Variants in KLHL35 observed in about 807,000 individuals in gnomAD.
KLHL35 encodes the protein kelch like family member 35.
A neutral mutation model predicts 44.0 loss-of-function variants in KLHL35; 50 were observed. The ratio of observed to expected loss-of-function variants is 1.14; its 90% CI spans 0.91 to 1.44. The LOEUF is 1.44. Among genes scored for constraint, KLHL35 ranks in the 40% most tolerant of loss-of-function variants. The pLI is 0.00. For missense variants in KLHL35, 1,049 were observed against 887.8 expected, an observed-to-expected ratio of 1.18 and a Z score of -2.31; for synonymous variants, 470 against 410.4, an observed-to-expected ratio of 1.15 and a Z score of -1.76.
At chr11:75,423,631 G>A in intron 6 of KLHL35, 61 bp downstream of exon 6, 1 of 1,405,158 alleles carries the variant, frequency 7.1e-7, no homozygotes, top group East Asian at 2.3e-5. Context: ...AGATTCACAA[G>A]CTCCAAGATC....
intron 3 of KLHL35, chr11:75,426,893 CT>C (rs1339335526): frequency 5.5e-6 from 2 of 363,056 alleles, no homozygotes; most frequent in East Asian, 1.0e-4. Flanking sequence ...CGCCGGGCAC[CT>C]TGTGGTGGTG....
intron 1 of KLHL35, among the ~76,000 whole-genome samples, chr11:75,431,165 A>G (rs554197791): frequency 3.9e-4 from 60 of 152,226 alleles, no homozygotes; most frequent in African/African-American, 1.3e-3. Context: ...CAGTGTGTGC[A>G]TGTGCAGGGG....
intron 2 of KLHL35, 74 bp from the exon 3 acceptor site, chr11:75,428,700 T>C: frequency 7.6e-7 from 1 of 1,309,362 alleles, no homozygotes; most frequent in Non-Finnish European, 1.0e-6. Context: ...TCGACCACAC[T>C]GCACGGTCCC....
chr11:75,422,997 C>T (rs962242896), intron 6 of KLHL35: 25 of 542,422 alleles, frequency 4.6e-5, no homozygotes, highest in Non-Finnish European at 6.6e-5. Context: ...GTTTCCTCAT[C>T]GGCAAAGGGA....
chr11:75,430,040 T>C lies in KLHL35; in HGVS notation c.590A>G (p.Asp197Gly), dbSNP rs1377225732. ...RHADFLELAP[D>G]EVVALLADPA... The stretch of plus-strand genomic sequence containing the variant: ...GTCCGCCAGCAGCGCCACCACCTCG[T>C]CAGGCGCCAGCTCCAGGAAGTCGGC... The change falls in exon 2 of 7, where the codon GAC becomes GGC. Residue 197 changes from aspartate (D) to glycine (G), a missense_variant. Physicochemically the swap from Asp to Gly is moderately conservative, Grantham distance 94. Coordinates refer to ENST00000539798, the MANE Select transcript of KLHL35 (RefSeq NM_001039548.3). The C allele has an allele frequency of 2.1e-6, 3 of 1,415,390 alleles. No individual in the cohort carries two copies. The highest frequency in any genetic ancestry group is 2.8e-6 in the Non-Finnish European group (3 of 1,086,590). The allele number at this position is 1,415,390 out of a possible 1,614,324, so 87.7% of individuals were successfully genotyped here. A position where few individuals can be genotyped will look rare whatever the true frequency, so the allele number is the denominator to read the frequency against.
At position 75,430,487 on chromosome 11, in the gene KLHL35, C is replaced by T. The variant is rs950870056; in HGVS notation, c.143G>A (p.Gly48Asp). Residue 48 changes from glycine (G) to aspartate (D), a missense_variant, in exon 2 of 7, where the codon GGC (glycine) becomes GAC (aspartate). Physicochemically the swap from Gly to Asp is moderately conservative, Grantham distance 94. Coordinates refer to ENST00000539798, the MANE Select transcript of KLHL35 (RefSeq NM_001039548.3). ...GCGGTGGCACGGAAAGTCGCGCCCGCCGGCGCGCAGCACCACGTCGGTGAG... is the reference window on the plus strand; with the variant it reads ...GCGGTGGCACGGAAAGTCGCGCCCGTCGGCGCGCAGCACCACGTCGGTGAG... ...GTLTDVVLRA[G>D]GRDFPCHRAA... The T allele has an allele frequency of 2.1e-6, 3 of 1,406,980 alleles. No homozygotes were observed. Among genetic ancestry groups the T allele is most frequent in the East Asian group, 3.1e-5 (1 of 32,412 alleles). 87.2% of individuals were successfully genotyped at this position (1,406,980 alleles called of 1,614,324 possible). A position where few individuals can be genotyped will look rare whatever the true frequency, so the allele number is the denominator to read the frequency against.
Position 75,429,974 on chromosome 11 carries a change from G to A in KLHL35, c.656C>T (p.Ala219Val). ...GVAREEAVFE[A>V]AMRWVRHDAP... ...GTCGTGGCGCACCCAGCGCATGGCC[G>A]CTTCAAACACGGCCTCCTCGCGCGC... The change falls in exon 2 of 7, where the codon GCG (alanine) becomes GTG (valine). Residue 219 changes from alanine (A) to valine (V), a missense_variant. Transcript: ENST00000539798. 7.0e-7 allele frequency: 1 copy of A among 1,431,524 alleles called. No homozygotes were observed. The highest frequency in any genetic ancestry group is 9.1e-7 in the Non-Finnish European group (1 of 1,099,582). The allele number at this position is 1,431,524 out of a possible 1,614,324, so 88.7% of individuals were successfully genotyped here.
At chr11:75,426,661 T>C in intron 3 of KLHL35, 23 bp from the exon 4 acceptor site, 1 of 1,510,258 alleles carries the variant, frequency 6.6e-7, no homozygotes, top group Non-Finnish European at 9.0e-7. Flanking sequence ...AAGCAGCTGT[T>C]GCCCATCGGC....
At chr11:75,428,301 C>A in intron 3 of KLHL35, 141 bp downstream of exon 3, 1 of 925,264 alleles carries the variant, frequency 1.1e-6, no homozygotes, top group Non-Finnish European at 1.6e-6. Context: ...CGTAGTTAGC[C>A]CTGCTCACTT....
Position 75,425,484 on chromosome 11 carries a change from G to T in KLHL35, c.1283C>A (p.Pro428Gln). Residue 428 changes from proline to glutamine, a missense_variant, in exon 5 of 7, where the codon CCG becomes CAG. By Grantham distance (76) the Pro-to-Gln change is moderately conservative (BLOSUM62 -1). Coordinates refer to ENST00000539798, the MANE Select transcript of KLHL35 (RefSeq NM_001039548.3). ...CACCGCCGCCGAGCTCACGGCCTCC[G>T]GGAGGGGCGCGGCGGCCGCCCAGGT... The part of the protein sequence containing the change: ...SNTWAAAAPL[P>Q]EAVSSAAVAS... 1 of 1,571,380 alleles carries T rather than the reference G, an allele frequency of 6.4e-7. No individual in the cohort carries two copies. The highest frequency in any genetic ancestry group is 8.6e-7 in the Non-Finnish European group (1 of 1,164,646).
At position 75,428,500 on chromosome 11, in the gene KLHL35, G is replaced by C. The variant is rs747040663; in HGVS notation, c.1008C>G (p.Pro336=). ...SQRWTPLPSL[P]GYTRSEFAAC... is the part of the protein sequence containing the mutation. ...CGGCGAATTCTGAGCGAGTGTAGCC[G>C]GGCAGGCTGGGCAGTGGGGTCCACC... Residue 336 remains proline (P), a synonymous_variant, in exon 3 of 7, where the codon CCC becomes CCG. Coordinates refer to ENST00000539798, the MANE Select transcript of KLHL35 (RefSeq NM_001039548.3). 1.2e-6 allele frequency: 2 copies of C among 1,612,432 alleles called. No homozygotes were observed. Among genetic ancestry groups the C allele is most frequent in the East Asian group, 2.2e-5 (1 of 44,888 alleles).
At chr11:75,430,945 C>T (rs560872390) in intron 1 of KLHL35, among the ~76,000 whole-genome samples, 1 of 152,316 alleles carries the variant, frequency 6.6e-6, no homozygotes, top group East Asian at 1.9e-4. Flanking sequence ...AATAAAGGAA[C>T]TATTTTCAAC....
intron 6 of KLHL35, chr11:75,423,256 AGGTAGG>A (rs1483704715): frequency 5.2e-6 from 1 of 194,006 alleles, no homozygotes; most frequent in Non-Finnish European, 1.1e-5. Flanking sequence ...ATGGAGAAGA[AGGTAGG>A]GGAGGCAGGG....
In KLHL35 at chr11:75,430,610, G is replaced by A. The variant is rs1291458662; in HGVS notation, c.20C>T (p.Pro7Leu). 2.1e-6 allele frequency: 3 copies of A among 1,399,658 alleles called. No homozygotes were observed. Among genetic ancestry groups the A allele is most frequent in the Admixed American group, 3.2e-5 (1 of 30,840 alleles). The allele number at this position is 1,399,658 out of a possible 1,614,324, so 86.7% of individuals were successfully genotyped here. MRQGHA[P>L]EESEPGCEAP... ...TTCGCAGCCCGGCTCCGACTCCTCC[G>A]GCGCATGGCCTTGCCGCATCCTGCC... The change falls in exon 2 of 7, where the codon CCG becomes CTG. Residue 7 changes from proline to leucine, a missense_variant. By Grantham distance (98) the Pro-to-Leu change is moderately conservative. Transcript: ENST00000539798.
intron 6 of KLHL35, 69 bp from the exon 7 acceptor site, chr11:75,422,837 G>A: frequency 6.9e-7 from 1 of 1,441,036 alleles, no homozygotes; most frequent in Non-Finnish European, 9.6e-7. Flanking sequence ...GCCTGGCCAG[G>A]CCAGATAATA....
At chr11:75,431,842 T>C (rs1186311212) in intron 1 of KLHL35, among the ~76,000 whole-genome samples, 1 of 152,216 alleles carries the variant, frequency 6.6e-6, no homozygotes, top group Non-Finnish European at 1.5e-5. Flanking sequence ...TTTCCCTATA[T>C]TGCTTTTACT....
intron 2 of KLHL35, 77 bp downstream of exon 2, chr11:75,429,672 G>C (rs1948516820): frequency 2.7e-5 from 37 of 1,370,528 alleles, no homozygotes; most frequent in Non-Finnish European, 3.4e-5. Context: ...AGTACTAAAA[G>C]ATGATGAAAG....
chr11:75,430,424 A>C lies in KLHL35; in HGVS notation c.206T>G (p.Leu69Trp). The change falls in exon 2 of 7, where the codon TTG becomes TGG. Residue 69 changes from leucine (L) to tryptophan (W), a missense_variant. Coordinates refer to ENST00000539798, the MANE Select transcript of KLHL35 (RefSeq NM_001039548.3). ...LSAGSAYFRS[L>W]FAAGRPERGP... Reference sequence around the variant, plus strand: ...GCGCTCGGGCCGCCCGGCCGCGAACAAGCTGCGGAAGTAGGCGCTGCCCGC... The same window carrying C: ...GCGCTCGGGCCGCCCGGCCGCGAACCAGCTGCGGAAGTAGGCGCTGCCCGC... 4 of 1,372,206 alleles carry C rather than the reference A, an allele frequency of 2.9e-6. No homozygotes were observed. The highest frequency in any genetic ancestry group is 3.8e-6 in the Non-Finnish European group (4 of 1,056,420). The allele number at this position is 1,372,206 out of a possible 1,614,324, so 85.0% of individuals were successfully genotyped here. A position where few individuals can be genotyped will look rare whatever the true frequency, so the allele number is the denominator to read the frequency against.
intron 6 of KLHL35, chr11:75,423,034 G>T: frequency 2.0e-6 from 1 of 494,576 alleles, no homozygotes; most frequent in Non-Finnish European, 3.6e-6. Flanking sequence ...TTCTTCACAG[G>T]GTTCCCTTAA....
Sources: gnomAD v4.1 joint callset for allele counts (sites outside exome capture counted in the v4.1 genomes callset) on GRCh38, gnomAD v4.1.1 for gene constraint, MANE v1.5 for transcripts, NCBI Gene and HGNC (gene_info 2026-07-23, HGNC 2026-07-21) for gene names.